MCF2L2: variants seen among roughly 807,000 people sequenced by gnomAD.
The protein encoded by MCF2L2 is probable guanine nucleotide exchange factor MCF2L2.
A neutral mutation model predicts 150.2 loss-of-function variants in MCF2L2; 102 were observed. The observed-to-expected ratio is 0.68, with a 90% confidence interval of 0.58 to 0.80. The LOEUF (loss-of-function observed/expected upper bound fraction) is 0.80. Among genes scored for constraint, MCF2L2 ranks in the 30% least tolerant of loss-of-function variants. The probability of loss-of-function intolerance (pLI) is 0.00; values close to 1 mark genes in which losing one functional copy is unlikely to be tolerated. For missense variants in MCF2L2, 1,256 were observed against 1,372.8 expected (o/e 0.91, Z 1.34); for synonymous variants, 465 against 491.3 (o/e 0.95, Z 0.71).
intron 15 of MCF2L2, chr3:183,254,341 G>A (rs978803314): frequency 1.3e-5 from 2 of 151,936 alleles, no homozygotes; most frequent in African/African-American, 4.8e-5. Context: ...AAGTCGGGAA[G>A]CCGGGGAGGC....
At chr3:183,351,871 G>C (rs149188977) in intron 3 of MCF2L2, among the ~76,000 whole-genome samples, 3 of 152,108 alleles carry the variant, frequency 2.0e-5, no homozygotes, top group Non-Finnish European at 4.4e-5. Flanking sequence ...CTGCAAAATG[G>C]TGGGGGCTAA....
chr3:183,183,181 G>A (rs1721589219), intron 27 of MCF2L2, among the ~76,000 whole-genome samples: 1 of 152,160 alleles, frequency 6.6e-6, no homozygotes, highest in South Asian at 2.1e-4. Flanking sequence ...TTTTTTGGTA[G>A]AGATGGGGTT....
intron 3 of MCF2L2, among the ~76,000 whole-genome samples, chr3:183,361,751 G>C (rs1381729390): frequency 6.6e-6 from 1 of 152,148 alleles, no homozygotes; most frequent in African/African-American, 2.4e-5. Context: ...TCTAATAATG[G>C]CATGTCTTAT....
At chr3:183,344,964 C>T (rs548772672) in intron 3 of MCF2L2, among the ~76,000 whole-genome samples, 10 of 152,206 alleles carry the variant, frequency 6.6e-5, no homozygotes, top group South Asian at 4.1e-4. Flanking sequence ...TAGACTCCCA[C>T]GCAATAATAC....
intron 13 of MCF2L2, among the ~76,000 whole-genome samples, chr3:183,292,017 G>A (rs1471534351): frequency 1.4e-4 from 21 of 152,110 alleles, no homozygotes; most frequent in Admixed American, 1.0e-3. Context: ...ATCTAAGAAG[G>A]ATGTCTCTGT....
chr3:183,334,000 A>G (rs749352340), intron 5 of MCF2L2, among the ~76,000 whole-genome samples: 4 of 151,916 alleles, frequency 2.6e-5, no homozygotes, highest in Non-Finnish European at 2.9e-5. Context: ...ACATGTCACA[A>G]GGACACAAGA....
At chr3:183,264,145 C>G (rs1027261847) in intron 15 of MCF2L2, among the ~76,000 whole-genome samples, 2 of 152,200 alleles carry the variant, frequency 1.3e-5, no homozygotes, top group African/African-American at 4.8e-5. Flanking sequence ...TTCTGTACCC[C>G]CCTAAGACTC....
chr3:183,243,721 A>C (rs146818993), intron 15 of MCF2L2, among the ~76,000 whole-genome samples: 1 of 152,330 alleles, frequency 6.6e-6, no homozygotes, highest in East Asian at 1.9e-4. Flanking sequence ...AGGAGTACTG[A>C]ATGCATTTCT....
chr3:183,182,030 C>G (rs566668742), intron 27 of MCF2L2, among the ~76,000 whole-genome samples: 2 of 152,030 alleles, frequency 1.3e-5, no homozygotes, highest in African/African-American at 4.8e-5. Context: ...CCTGCTCTCG[C>G]GGGCCCTGCA....
At chr3:183,260,877 T>A (rs991907236) in intron 15 of MCF2L2, among the ~76,000 whole-genome samples, 19 of 152,248 alleles carry the variant, frequency 1.2e-4, no homozygotes, top group Admixed American at 5.9e-4. Flanking sequence ...TACAAATGTA[T>A]TCTCTGCAGG....
intron 5 of MCF2L2, among the ~76,000 whole-genome samples, chr3:183,336,347 T>C (rs945942548): frequency 6.6e-6 from 1 of 152,158 alleles, no homozygotes; most frequent in Non-Finnish European, 1.5e-5. Context: ...GCTATTCTTA[T>C]TCTTGCAACT....
At chr3:183,274,961 C>T (rs75198123) in intron 15 of MCF2L2, among the ~76,000 whole-genome samples, 1,767 of 150,938 alleles carry the variant, frequency 0.012, 35 homozygotes, top group African/African-American at 0.042. Flanking sequence ...TTCCCTATAG[C>T]TTGGTTTTTT....
intron 3 of MCF2L2, among the ~76,000 whole-genome samples, chr3:183,356,986 T>C (rs1240116694): frequency 1.3e-5 from 2 of 152,036 alleles, no homozygotes; most frequent in African/African-American, 2.4e-5. Context: ...AACCTAAAAA[T>C]GTATAGAAGA....
chr3:183,191,194 C>A (rs968967750), intron 27 of MCF2L2, among the ~76,000 whole-genome samples: 3 of 152,114 alleles, frequency 2.0e-5, no homozygotes, highest in Non-Finnish European at 2.9e-5. Flanking sequence ...TTTTTTAGAG[C>A]AGTTTTAGGT....
chr3:183,335,618 A>C (rs1165890562), intron 5 of MCF2L2, among the ~76,000 whole-genome samples: 3 of 152,086 alleles, frequency 2.0e-5, no homozygotes, highest in Non-Finnish European at 4.4e-5. Flanking sequence ...CTATAATCCC[A>C]GCATTTAGGG....
chr3:183,372,185 C>A (rs1712929022), intron 3 of MCF2L2: 1 of 152,148 alleles, frequency 6.6e-6, no homozygotes, highest in South Asian at 2.1e-4. Flanking sequence ...ATTGCACTCA[C>A]TTCTCTGACG....
chr3:183,195,942 G>A (rs1722068717), intron 25 of MCF2L2, among the ~76,000 whole-genome samples: 1 of 152,166 alleles, frequency 6.6e-6, no homozygotes, highest in South Asian at 2.1e-4. Context: ...TGGGACCGTG[G>A]CCTTGATTTC....
At chr3:183,199,467 G>T (rs1310645674) in intron 25 of MCF2L2, among the ~76,000 whole-genome samples, 1 of 152,076 alleles carries the variant, frequency 6.6e-6, no homozygotes, top group African/African-American at 2.4e-5. Context: ...GCTTAAAGAT[G>T]ATTTGTAATT....
chr3:183,258,018 A>C (rs928315022), intron 15 of MCF2L2, among the ~76,000 whole-genome samples: 9 of 113,620 alleles, frequency 7.9e-5, no homozygotes, highest in Admixed American at 5.5e-4. Context: ...CCCAGGCTGG[A>C]GTGCAATGGT....
Sources: allele counts gnomAD v4.1 joint callset (sites outside exome capture counted in the v4.1 genomes callset), GRCh38; gene constraint gnomAD v4.1.1; transcripts MANE v1.5; gene names NCBI Gene and HGNC (gene_info 2026-07-23, HGNC 2026-07-21).